Variants in PHKA2 observed in about 807,000 individuals in gnomAD.
PHKA2 encodes the protein phosphorylase kinase regulatory subunit alpha 2.
Under a neutral mutation model 102.0 loss-of-function variants are expected in PHKA2, and 31 were observed. The observed-to-expected ratio is 0.30, with a 90% CI of 0.23 to 0.41. The LOEUF (loss-of-function observed/expected upper bound fraction) is 0.41. Among genes scored for constraint, PHKA2 ranks in the 10% least tolerant of loss-of-function variants. The pLI is 1.00. For synonymous variants in PHKA2, 455 were observed against 416.2 expected, an observed-to-expected ratio of 1.09 and a Z score of -1.13; for missense variants, 858 against 1,023.1, an observed-to-expected ratio of 0.84 and a Z score of 2.20.
At chrX:18,947,917 A>G (rs1470884997) in intron 5 of PHKA2, among the ~76,000 whole-genome samples, 2 of 112,091 alleles carry the variant, frequency 1.8e-5, no homozygotes, top group Admixed American at 9.5e-5. Context: ...ACCAAAGATC[A>G]TATGTTCTCA....
chrX:18,901,734 C>T (rs1055042238), intron 26 of PHKA2, 131 bp from the exon 27 acceptor site: 5 of 527,052 alleles, frequency 9.5e-6, no homozygotes, highest in Admixed American at 2.5e-5. Flanking sequence ...TCTCCAGCAC[C>T]GAGAGCAGCA....
rs2047470728 is a variant in PHKA2, at chrX:18,893,647, A to G, written c.3546T>C (p.Ile1182=). ...SQLFLQDQVS[I]GAMDTLEKDQ... ...CTTTCTCCAGGGTGTCCATGGCACC[A>G]ATTGACACCTGCAGTAGGAAAGGGC... The change falls in exon 33 of 33, where the codon ATT becomes ATC. Residue 1182 remains isoleucine (I), a synonymous_variant. Transcript: ENST00000379942. 2 of 1,207,908 alleles carry G rather than the reference A, an allele frequency of 1.7e-6. No individual in the cohort carries two copies. Among genetic ancestry groups the G allele is most frequent in the African/African-American group, 3.5e-5 (2 of 57,324 alleles).
rs745500380 is a variant in PHKA2 at position 18,934,466 on chromosome X, G to A, written c.1137+1589C>T. 4.3e-3 allele frequency among the ~76,000 whole-genome samples: 484 copies of A among 111,914 alleles called. 2 individuals are homozygous for A. The highest frequency in any genetic ancestry group is 7.0e-3 in the Non-Finnish European group (370 of 53,147). On this transcript the variant is annotated intron_variant, in intron 11 of 32. Transcript: ENST00000379942. The stretch of plus-strand genomic sequence containing the variant: ...TAAGGGTCCAGGCTGGTGGGGCTTG[G>A]TGAGCCCACCTGGAGCAAGCAGCCA...
Position 18,983,922 on chromosome X carries a change from C to T in PHKA2, c.11G>A (p.Arg4Lys). Residue 4 changes from arginine to lysine, a missense_variant, in exon 1 of 33, where the codon AGG becomes AAG. Transcript: ENST00000379942. MRS[R>K]SNSGVRLDGY... ...GTCCAAGCGGACCCCGGAATTGCTC[C>T]TGCTCCGCATCTCCCCGAGGCTCCC... is the stretch of plus-strand genomic sequence containing the variant. 1 of 1,210,867 alleles carries T rather than the reference C, an allele frequency of 8.3e-7. No homozygotes were observed. The highest frequency in any genetic ancestry group is 1.1e-6 in the Non-Finnish European group (1 of 894,191).
intron 22 of PHKA2, among the ~76,000 whole-genome samples, chrX:18,907,471 G>A (rs1235578157): frequency 8.9e-6 from 1 of 112,077 alleles, no homozygotes; most frequent in South Asian, 3.7e-4. Context: ...TAAGTTACCC[G>A]TTTCCCCATT....
At chrX:18,908,620 C>T (rs2047867457) in intron 21 of PHKA2, among the ~76,000 whole-genome samples, 181 bp downstream of exon 21, 1 of 111,796 alleles carries the variant, frequency 8.9e-6, no homozygotes. Context: ...GCCCCTTCCA[C>T]CATGTCAGGA....
intron 1 of PHKA2, among the ~76,000 whole-genome samples, chrX:18,969,659 T>A (rs1241457544): frequency 9.0e-6 from 1 of 111,311 alleles, no homozygotes; most frequent in Non-Finnish European, 1.9e-5. Context: ...AAAAGGCAAA[T>A]CACATCTTAC....
chrX:18,897,238 G>A lies in PHKA2; in HGVS notation c.3207C>T (p.Arg1069=). ...TGATGGCCCCATCCAGCCTTCTCCTGCGCAGCCACTGGCCCTGCCGCTCAC... is the reference window on the plus strand; with the variant it reads ...TGATGGCCCCATCCAGCCTTCTCCTACGCAGCCACTGGCCCTGCCGCTCAC... ...GWGERQGQWL[R]RRRLDGAINR... Residue 1069 remains arginine (R), a synonymous_variant, in exon 30 of 33, where the codon CGC becomes CGT. Transcript: ENST00000379942. The A allele has an allele frequency of 1.7e-6, 2 of 1,210,519 alleles. No individual in the cohort carries two copies. Among genetic ancestry groups the A allele is most frequent in the South Asian group, 1.8e-5 (1 of 56,961 alleles).
At chrX:18,913,179 G>A (rs2047958284) in intron 19 of PHKA2, among the ~76,000 whole-genome samples, 1 of 111,129 alleles carries the variant, frequency 9.0e-6, no homozygotes, top group Non-Finnish European at 1.9e-5. Flanking sequence ...AAGTTGCTCT[G>A]GGTGACTGGG....
At chrX:18,962,693 T>G (rs1050214319) in intron 1 of PHKA2, among the ~76,000 whole-genome samples, 2 of 112,264 alleles carry the variant, frequency 1.8e-5, no homozygotes, top group African/African-American at 6.5e-5. Context: ...TGGATGATAC[T>G]GACTGCAAAT....
intron 1 of PHKA2, among the ~76,000 whole-genome samples, chrX:18,963,595 G>A (rs1170765152): frequency 2.7e-5 from 3 of 112,039 alleles, no homozygotes. Context: ...AAGGCTGTTT[G>A]AGGTGAGTTT....
chrX:18,899,105 A>G (rs2047627913), intron 29 of PHKA2, 68 bp downstream of exon 29: 1 of 925,895 alleles, frequency 1.1e-6, no homozygotes, highest in Non-Finnish European at 1.6e-6. Flanking sequence ...GTTGGGCATG[A>G]GGTGGGAGCA....
Position 18,940,040 on chromosome X carries a change from A to G in PHKA2, c.873T>C (p.Tyr291=), listed in dbSNP as rs898663557. The G allele has an allele frequency of 3.3e-6, 4 of 1,194,431 alleles. No individual in the cohort carries two copies. The highest frequency in any genetic ancestry group is 3.0e-5 in the East Asian group (1 of 33,783). ...CATCTCGAAGGAAGCGACAGCATCC[A>G]TAACGCCCCTAATAAGAGAAAGTAC... is the stretch of plus-strand genomic sequence containing the variant. ...NEIISKLQGR[Y]GCCRFLRDGY... The change falls in exon 9 of 33, where the codon TAT becomes TAC. Residue 291 remains tyrosine (Y), a synonymous_variant. Coordinates refer to ENST00000379942, the MANE Select transcript of PHKA2 (RefSeq NM_000292.3).
intron 9 of PHKA2, among the ~76,000 whole-genome samples, chrX:18,939,487 GTT>G (rs761379229): frequency 3.3e-4 from 37 of 110,775 alleles, no homozygotes; most frequent in Non-Finnish European, 3.2e-4. Flanking sequence ...CTACAAGTTG[GTT>G]TTTTGTTTTT....
In PHKA2 at chrX:18,897,281, C is replaced by T. The variant is rs1230774519; in HGVS notation, c.3164G>A (p.Gly1055Glu). ...PTGTSSSDSG[G>E]HHIGWGERQG... ...CCGCTCACCCCAGCCGATGTGATGT[C>T]CTCCCGAGTCTGAGGATGACGTGCC... The change falls in exon 30 of 33, where the codon GGA becomes GAA. Residue 1055 changes from glycine to glutamate, a missense_variant. Physicochemically the swap from Gly to Glu is moderately conservative, Grantham distance 98. Transcript: ENST00000379942. The T allele has an allele frequency of 8.3e-7, 1 of 1,209,431 alleles. No homozygotes were observed. Among genetic ancestry groups the T allele is most frequent in the Non-Finnish European group, 1.1e-6 (1 of 895,093 alleles).
chrX:18,906,527 G>C lies in PHKA2; in HGVS notation c.2774C>G (p.Ala925Gly). ...LRIGLIIQVM[A>G]TELARSLNCS... is the part of the protein sequence containing the mutation. ...GTTCAGGCTCCGTGCCAGCTCCGTG[G>C]CCATCACCTGAATGATCAGTCCAAT... is the stretch of plus-strand genomic sequence containing the variant. The change falls in exon 25 of 33, where the codon GCC becomes GGC. Residue 925 changes from alanine to glycine, a missense_variant. Coordinates refer to ENST00000379942, the MANE Select transcript of PHKA2 (RefSeq NM_000292.3). The C allele has an allele frequency of 1.7e-6, 2 of 1,211,549 alleles. No homozygotes were observed. Among genetic ancestry groups the C allele is most frequent in the Non-Finnish European group, 2.2e-6 (2 of 894,824 alleles).
At chrX:18,893,689 G>A (rs756400401) in intron 32 of PHKA2, 34 bp from the exon 33 acceptor site, 22 of 1,167,683 alleles carry the variant, frequency 1.9e-5, no homozygotes, top group East Asian at 5.9e-5. Flanking sequence ...GACAATAAGC[G>A]GAGCCCCCAC....
chrX:18,980,303 G>C (rs1394474728), intron 1 of PHKA2, among the ~76,000 whole-genome samples: 1 of 112,664 alleles, frequency 8.9e-6, no homozygotes, highest in Admixed American at 9.4e-5. Context: ...CACCCGTGAA[G>C]GGTCTGTGCT....
At chrX:18,897,426 A>C in intron 29 of PHKA2, 93 bp from the exon 30 acceptor site, 1 of 851,325 alleles carries the variant, frequency 1.2e-6, no homozygotes, top group Non-Finnish European at 1.7e-6. Flanking sequence ...CGACCTAGGC[A>C]CAAATGCCAG....
Sources: gnomAD v4.1 joint callset for allele counts (sites outside exome capture counted in the v4.1 genomes callset) on GRCh38, gnomAD v4.1.1 for gene constraint, MANE v1.5 for transcripts, NCBI Gene and HGNC (gene_info 2026-07-23, HGNC 2026-07-21) for gene names.